The following ACLY variants were observed in gnomAD, a reference collection of about 807,000 sequenced individuals.
The protein encoded by ACLY is ATP-citrate synthase.
A neutral mutation model predicts 133.0 loss-of-function variants in ACLY; 41 were observed. The observed-to-expected ratio is 0.31, with a 90% CI of 0.24 to 0.40. The LOEUF is 0.40. ACLY is among the 10% of genes least tolerant of loss of function. The pLI is 1.00. For missense variants in ACLY, 1,046 were observed against 1,453.8 expected (o/e 0.72, Z 4.56); for synonymous variants, 495 against 549.3 (o/e 0.90, Z 1.38).
chr17:41,892,686 T>C (rs1386137704), intron 15 of ACLY, among the ~76,000 whole-genome samples: 1 of 151,926 alleles, frequency 6.6e-6, no homozygotes, highest in African/African-American at 2.4e-5. Context: ...TGCCTTTTTT[T>C]TTTCTTTTGA....
intron 1 of ACLY, among the ~76,000 whole-genome samples, chr17:41,927,770 G>A (rs1464763085): frequency 6.6e-6 from 1 of 151,718 alleles, no homozygotes; most frequent in Non-Finnish European, 1.5e-5. Context: ...AGGTGGCAGT[G>A]AGCTGAGATC....
chr17:41,927,915 T>C (rs980112030), intron 1 of ACLY, among the ~76,000 whole-genome samples: 4 of 151,712 alleles, frequency 2.6e-5, no homozygotes, highest in African/African-American at 7.3e-5. Context: ...GGTGGGAGGA[T>C]TGCTTGAGTT....
chr17:41,898,815 T>G, intron 11 of ACLY, 30 bp from the exon 12 acceptor site: 1 of 1,602,016 alleles, frequency 6.2e-7, no homozygotes, highest in Non-Finnish European at 8.5e-7. Flanking sequence ...AAATCCATAA[T>G]TCAAGTCTGC....
chr17:41,921,047 A>C (rs1402509016), upstream of ACLY, among the ~76,000 whole-genome samples: 1 of 149,648 alleles, frequency 6.7e-6, no homozygotes, highest in Non-Finnish European at 1.5e-5. Context: ...AATCGCTTGA[A>C]CCCAGGAGGC....
chr17:41,873,175 CTT>C (rs529319940), intron 23 of ACLY, among the ~76,000 whole-genome samples: 16 of 134,298 alleles, frequency 1.2e-4, no homozygotes, highest in African/African-American at 1.1e-4. Flanking sequence ...ACACAAGGTA[CTT>C]TTTTTTTTTT....
chr17:41,874,473 A>G (rs1278097671), intron 22 of ACLY, among the ~76,000 whole-genome samples: 5 of 151,918 alleles, frequency 3.3e-5, no homozygotes, highest in Non-Finnish European at 5.9e-5. Context: ...GGGTCTTGCT[A>G]TGCTGTCCAG....
chr17:41,913,691 G>C (rs1555634024), intron 2 of ACLY, 24 bp downstream of exon 2: 2 of 1,611,606 alleles, frequency 1.2e-6, no homozygotes, highest in South Asian at 1.1e-5. Flanking sequence ...TGGAAGAAAG[G>C]CCCAAAGTGG....
At position 41,906,611 on chromosome 17, in the gene ACLY, C is replaced by T. The variant is rs1555632722; in HGVS notation, c.783G>A (p.Gly261=). The T allele has an allele frequency of 3.1e-6, 5 of 1,614,190 alleles. No individual in the cohort carries two copies. The highest frequency in any genetic ancestry group is 4.2e-6 in the Non-Finnish European group (5 of 1,180,034). ...AYIADLDAKS[G]ASLKLTLLNP... is the part of the protein sequence containing the mutation. ...TCAGCAAGGTCAGCTTCAGGCTTGCCCCACTTTTGGCATCGAGGTCTGCAA... is the reference window on the plus strand; with the variant it reads ...TCAGCAAGGTCAGCTTCAGGCTTGCTCCACTTTTGGCATCGAGGTCTGCAA... Residue 261 remains glycine, a synonymous_variant, in exon 8 of 29, where the codon GGG becomes GGA. Coordinates refer to ENST00000352035, the MANE Select transcript of ACLY (RefSeq NM_001096.3).
At chr17:41,901,428 C>G (rs1555631577) in intron 11 of ACLY, among the ~76,000 whole-genome samples, 2 of 152,106 alleles carry the variant, frequency 1.3e-5, no homozygotes, top group African/African-American at 4.8e-5. Context: ...GGCTGTAACC[C>G]TCGTCACCAG....
intron 10 of ACLY, among the ~76,000 whole-genome samples, chr17:41,904,261 AG>A (rs1285291011): frequency 3.4e-5 from 3 of 87,378 alleles, no homozygotes; most frequent in South Asian, 5.7e-4. Context: ...AAGGGAGGGG[AG>A]GGAGGAAGGG....
At chr17:41,896,674 A>G in intron 13 of ACLY, 25 bp from the exon 14 acceptor site, 6 of 1,563,772 alleles carry the variant, frequency 3.8e-6, no homozygotes, top group Non-Finnish European at 5.2e-6. Flanking sequence ...GACCAAGGCA[A>G]CTGAGTGACC....
At position 41,887,633 on chromosome 17, in the gene ACLY, T is replaced by A; in HGVS notation, c.1841A>T (p.Asp614Val). ...ALTRKLIKKA[D>V]QKGVTIIGPA... ...TCCGATGATGGTCACTCCCTTCTGG[T>A]CCGCCTTCTTGATCAGCTTTCTCGT... The change falls in exon 17 of 29, where the codon GAC (aspartate) becomes GTC (valine). Residue 614 changes from aspartate (D) to valine (V), a missense_variant. By Grantham distance (152) the Asp-to-Val change is radical (BLOSUM62 -3). Coordinates refer to ENST00000352035, the MANE Select transcript of ACLY (RefSeq NM_001096.3). 2 of 1,613,810 alleles carry A rather than the reference T, an allele frequency of 1.2e-6. No homozygotes were observed. The highest frequency in any genetic ancestry group is 1.7e-6 in the Non-Finnish European group (2 of 1,179,844).
intron 1 of ACLY, among the ~76,000 whole-genome samples, chr17:41,924,503 C>G (rs2050219167): frequency 6.6e-6 from 1 of 152,066 alleles, no homozygotes; most frequent in African/African-American, 2.4e-5. Context: ...CTAAACCCAC[C>G]TCTCTCCTTG....
exon 1 of ACLY, chr17:41,930,399 T>C: frequency 3.6e-6 from 1 of 278,010 alleles, no homozygotes. Flanking sequence ...CCTCCAACCC[T>C]CTTCCTGTTT....
Position 41,906,711 on chromosome 17 carries a change from G to A in ACLY, c.748-65C>T, listed in dbSNP as rs73307780. On this transcript the variant is annotated intron_variant, in intron 7 of 28. Transcript: ENST00000352035. ...CCCTTTACCAGGTCCCAGATCCTAG[G>A]ACCCCTCCCCGCTTTCCCTGGAAGC... The A allele has an allele frequency of 1.2e-3, 1,767 of 1,423,688 alleles. 22 individuals carry two copies. In the African/African-American group the frequency reaches 0.022, roughly 18 times the overall value. 88.2% of individuals were successfully genotyped at this position (1,423,688 alleles called of 1,614,324 possible).
chr17:41,907,559 A>G lies in ACLY; in HGVS notation c.630T>C (p.Asp210=). The change falls in exon 7 of 29, where the codon GAT becomes GAC. Residue 210 remains aspartate, a synonymous_variant. Coordinates refer to ENST00000352035, the MANE Select transcript of ACLY (RefSeq NM_001096.3). ...LEINPLVVTK[D]GVYVLDLAAK... ...CCGCCAAGTCAAGGACATAGACTCC[A>G]TCTTTGGTCACTACTTCAAGGGGAG... 6.2e-7 allele frequency: 1 copy of G among 1,613,972 alleles called. No individual in the cohort carries two copies. The highest frequency in any genetic ancestry group is 2.2e-5 in the East Asian group (1 of 44,870).
chr17:41,914,046 G>A, intron 1 of ACLY, 150 bp from the exon 2 acceptor site: 1 of 723,048 alleles, frequency 1.4e-6, no homozygotes, highest in Non-Finnish European at 2.3e-6. Context: ...TGTCCCAGCG[G>A]GAGGGATGGA....
chr17:41,869,637 G>A, intron 25 of ACLY, 50 bp from the exon 26 acceptor site: 1 of 1,486,746 alleles, frequency 6.7e-7, no homozygotes, highest in Non-Finnish European at 9.4e-7. Context: ...CTGCTGGGAT[G>A]TGTTTGTTCA....
In ACLY at chr17:41,886,342, G is replaced by A. The variant is rs181134683; in HGVS notation, c.1876-34C>T. 6.5e-5 allele frequency: 102 copies of A among 1,563,678 alleles called. No individual in the cohort carries two copies. In the African/African-American group the frequency reaches 1.3e-3, roughly 20 times the overall value. Reference sequence around the variant, plus strand: ...GCAGAAACCACAATCAGGGAGGAAGGTGACTTCCAGATTCACCACAAAGAA... The same window carrying A: ...GCAGAAACCACAATCAGGGAGGAAGATGACTTCCAGATTCACCACAAAGAA... On this transcript the variant is annotated intron_variant, in intron 17 of 28. Transcript: ENST00000352035.
Sources: gnomAD v4.1 joint callset for allele counts (sites outside exome capture counted in the v4.1 genomes callset) on GRCh38, gnomAD v4.1.1 for gene constraint, MANE v1.5 for transcripts, NCBI Gene and HGNC (gene_info 2026-07-23, HGNC 2026-07-21) for gene names.